The following TEAD1 variants were observed in gnomAD, a reference collection of about 807,000 sequenced individuals.
TEAD1 encodes the protein TEA domain transcription factor 1.
In TEAD1, 9 loss-of-function variants were observed where a neutral mutation model predicts 54.9. The observed-to-expected ratio is 0.16, with a 90% CI of 0.10 to 0.29. TEAD1 has a LOEUF of 0.29. Ranked by LOEUF, TEAD1 falls within the 10% of genes least tolerant of loss-of-function variation. The pLI is 1.00. For missense variants in TEAD1, 387 were observed against 535.9 expected (o/e 0.72, Z 2.74); for synonymous variants, 200 against 187.8 (o/e 1.07, Z -0.53).
chr11:12,817,175 C>T (rs1317254063), intron 3 of TEAD1, among the ~76,000 whole-genome samples: 1 of 152,174 alleles, frequency 6.6e-6, no homozygotes, highest in Non-Finnish European at 1.5e-5. Flanking sequence ...ATTATTATCT[C>T]ACGCCTTTAA....
chr11:12,691,153 A>C (rs1943449659), intron 2 of TEAD1, among the ~76,000 whole-genome samples: 1 of 152,188 alleles, frequency 6.6e-6, no homozygotes, highest in African/African-American at 2.4e-5. Flanking sequence ...GCATATCATT[A>C]GGCAATCACT....
chr11:12,807,066 C>T (rs1946187702), intron 3 of TEAD1, among the ~76,000 whole-genome samples: 1 of 152,162 alleles, frequency 6.6e-6, no homozygotes, highest in South Asian at 2.1e-4. Flanking sequence ...TGTGAAAATA[C>T]AGAGCATCAC....
intron 10 of TEAD1, among the ~76,000 whole-genome samples, chr11:12,919,324 TC>T (rs1282551740): frequency 1.3e-5 from 2 of 152,164 alleles, no homozygotes; most frequent in African/African-American, 2.4e-5. Context: ...GTAGGAATGG[TC>T]TGCCGCAGCT....
At chr11:12,744,358 A>T (rs1040020004) in intron 2 of TEAD1, among the ~76,000 whole-genome samples, 11 of 152,170 alleles carry the variant, frequency 7.2e-5, no homozygotes, top group Non-Finnish European at 1.5e-4. Flanking sequence ...AGTTGGGCAA[A>T]ATCTAAATGT....
chr11:12,880,336 A>G (rs1238918397), intron 6 of TEAD1, among the ~76,000 whole-genome samples: 3 of 152,222 alleles, frequency 2.0e-5, no homozygotes, highest in African/African-American at 7.2e-5. Flanking sequence ...GTAATCTTAA[A>G]TGCTGCTTAT....
intron 3 of TEAD1, among the ~76,000 whole-genome samples, chr11:12,841,142 A>G (rs566237364): frequency 3.9e-5 from 6 of 152,342 alleles, no homozygotes; most frequent in African/African-American, 1.4e-4. Flanking sequence ...GTGAAAGGGG[A>G]AAAGGAACAG....
At chr11:12,710,230 A>G (rs1943906432) in intron 2 of TEAD1, among the ~76,000 whole-genome samples, 1 of 152,110 alleles carries the variant, frequency 6.6e-6, no homozygotes, top group Admixed American at 6.5e-5. Context: ...AGGCTGAGGC[A>G]GGAGAATTGC....
Position 12,937,099 on chromosome 11 carries a change from A to G in TEAD1, c.1168-10A>G, listed in dbSNP as rs118071160. On this transcript the variant is annotated splice_polypyrimidine_tract_variant and intron_variant, in intron 12 of 12. Coordinates refer to ENST00000527636, the MANE Select transcript of TEAD1 (RefSeq NM_021961.6). ...TTTTGGTATTATATACTTTTTTTTT[A>G]TCTTAACAGGTGGTAACAAACAGGG... 673 of 1,591,732 alleles carry G rather than the reference A, an allele frequency of 4.2e-4. No homozygotes were observed. The highest frequency in any genetic ancestry group is 5.4e-4 in the Non-Finnish European group (622 of 1,160,950).
At chr11:12,737,116 C>G (rs1944550047) in intron 2 of TEAD1, among the ~76,000 whole-genome samples, 1 of 152,052 alleles carries the variant, frequency 6.6e-6, no homozygotes, top group Non-Finnish European at 1.5e-5. Context: ...CTAAAAACGT[C>G]ATGTTTCAAC....
intron 2 of TEAD1, among the ~76,000 whole-genome samples, chr11:12,684,613 C>T (rs550864410): frequency 2.0e-5 from 3 of 152,156 alleles, no homozygotes; most frequent in Admixed American, 6.5e-5. Flanking sequence ...TCTCTGTGCC[C>T]GCAGTTTCCC....
intron 3 of TEAD1, among the ~76,000 whole-genome samples, chr11:12,800,636 G>A (rs1376722226): frequency 6.6e-6 from 1 of 152,192 alleles, no homozygotes; most frequent in Non-Finnish European, 1.5e-5. Context: ...ACGTAGAGGG[G>A]ACTGTAGGGA....
At chr11:12,801,515 G>T (rs912095095) in intron 3 of TEAD1, among the ~76,000 whole-genome samples, 1 of 152,198 alleles carries the variant, frequency 6.6e-6, no homozygotes, top group African/African-American at 2.4e-5. Context: ...TTAATTCACT[G>T]AATAATGTCA....
At chr11:12,929,563 T>C (rs1182529253) in intron 11 of TEAD1, among the ~76,000 whole-genome samples, 2 of 152,158 alleles carry the variant, frequency 1.3e-5, no homozygotes, top group African/African-American at 2.4e-5. Flanking sequence ...TGATGTAAAA[T>C]ATCTCCCTTT....
chr11:12,784,671 C>T (rs1015104352), intron 3 of TEAD1, among the ~76,000 whole-genome samples: 1 of 152,168 alleles, frequency 6.6e-6, no homozygotes. Context: ...CTTGCAAGTT[C>T]CAGGGGTGCT....
intron 2 of TEAD1, among the ~76,000 whole-genome samples, chr11:12,728,586 A>G (rs1265843915): frequency 6.6e-6 from 1 of 152,162 alleles, no homozygotes; most frequent in African/African-American, 2.4e-5. Flanking sequence ...ATAGCATCTG[A>G]TACTCATCCC....
At chr11:12,729,843 G>C (rs1016152693) in intron 2 of TEAD1, among the ~76,000 whole-genome samples, 1 of 152,188 alleles carries the variant, frequency 6.6e-6, no homozygotes, top group Non-Finnish European at 1.5e-5. Flanking sequence ...AAGGCATGTT[G>C]CTCTCCTCAT....
Position 12,939,167 on chromosome 11 carries a change from G to A in TEAD1, c.*1945G>A, listed in dbSNP as rs1949137405. 6.6e-6 allele frequency: 1 copy of A among 152,266 alleles called. No individual in the cohort carries two copies. The highest frequency in any genetic ancestry group is 2.4e-5 in the African/African-American group (1 of 41,456). 9.4% of individuals were successfully genotyped at this position (152,266 alleles called of 1,614,324 possible). A position where few individuals can be genotyped will look rare whatever the true frequency, so the allele number is the denominator to read the frequency against. ...GAATGCCCATTCCTTCTAGAAACCA[G>A]TTGGACAGTGCTCCTCTGCCCTTCA... On this transcript the variant is annotated 3_prime_UTR_variant, in exon 13 of 13. Transcript: ENST00000527636.
chr11:12,768,433 A>G (rs184022987), intron 3 of TEAD1, among the ~76,000 whole-genome samples: 2 of 152,370 alleles, frequency 1.3e-5, no homozygotes, highest in African/African-American at 2.4e-5. Flanking sequence ...GCCAAGCACT[A>G]TGCTAAAGGC....
At chr11:12,909,054 G>A (rs1346932711) in intron 10 of TEAD1, among the ~76,000 whole-genome samples, 3 of 151,708 alleles carry the variant, frequency 2.0e-5, no homozygotes, top group Non-Finnish European at 4.4e-5. Flanking sequence ...AGCCTTGACT[G>A]GTGCAATTTA....
Sources: allele counts gnomAD v4.1 joint callset (sites outside exome capture counted in the v4.1 genomes callset), GRCh38; gene constraint gnomAD v4.1.1; transcripts MANE v1.5; gene names NCBI Gene and HGNC (gene_info 2026-07-23, HGNC 2026-07-21).